Variants in IQCM observed in about 807,000 individuals in gnomAD.
The protein encoded by IQCM is IQ motif containing M, also known as IQ domain-containing protein M.
Under a neutral mutation model 57.6 loss-of-function variants are expected in IQCM, and 45 were observed. The observed-to-expected ratio is 0.78, with a 90% CI of 0.62 to 1.00. The LOEUF is 1.00. IQCM is among the 50% of genes least tolerant of loss of function. The pLI is 0.00. For missense variants in IQCM, 468 were observed against 511.6 expected, an observed-to-expected ratio of 0.91 and a Z score of 0.82; for synonymous variants, 148 against 158.9, an observed-to-expected ratio of 0.93 and a Z score of 0.51.
chr4:149,812,507 C>CAGAG lies in IQCM; in HGVS notation c.-49+2803_-49+2804insCTCT, dbSNP rs1554045618. ...ACACACACACACACACACACAGACA[C>CAGAG]ACACACACACACACACACACACTAT... is the stretch of plus-strand genomic sequence containing the variant. On this transcript the variant is annotated intron_variant, in intron 2 of 13. Transcript: ENST00000636793. Among the ~76,000 whole-genome samples, 2,211 of 126,822 alleles carry CAGAG rather than the reference C, an allele frequency of 0.017. 142 individuals are homozygous for CAGAG. The East Asian group carries it at 0.17, about 10-fold the overall frequency. 83.2% of individuals were successfully genotyped at this position (126,822 alleles called of 152,430 possible).
intron 8 of IQCM, among the ~76,000 whole-genome samples, chr4:149,597,334 A>G (rs989863524): frequency 1.3e-5 from 2 of 152,046 alleles, no homozygotes; most frequent in Non-Finnish European, 2.9e-5. Flanking sequence ...CAATTGAATG[A>G]CTCACATTTG....
At chr4:149,452,929 G>C (rs967254214) in intron 12 of IQCM, among the ~76,000 whole-genome samples, 1 of 150,828 alleles carries the variant, frequency 6.6e-6, no homozygotes, top group Non-Finnish European at 1.5e-5. Flanking sequence ...AGGATATATT[G>C]CATGATGCTA....
At chr4:149,582,742 A>C (rs559312823) in intron 9 of IQCM, among the ~76,000 whole-genome samples, 2 of 151,664 alleles carry the variant, frequency 1.3e-5, no homozygotes, top group Non-Finnish European at 3.0e-5. Context: ...TTATTTTCAA[A>C]TAATGTTTAG....
intron 13 of IQCM, among the ~76,000 whole-genome samples, chr4:149,404,319 G>T (rs1732827689): frequency 1.3e-5 from 2 of 151,944 alleles, no homozygotes; most frequent in South Asian, 4.1e-4. Context: ...TCAAAGCATG[G>T]ATTTAGTTAA....
intron 11 of IQCM, among the ~76,000 whole-genome samples, chr4:149,552,735 T>C (rs1165425815): frequency 6.6e-6 from 1 of 152,192 alleles, no homozygotes; most frequent in African/African-American, 2.4e-5. Flanking sequence ...TCAGTTGCTG[T>C]CTCCCTGGAA....
intron 5 of IQCM, among the ~76,000 whole-genome samples, chr4:149,697,912 A>G (rs1052348899): frequency 3.9e-5 from 6 of 152,096 alleles, no homozygotes; most frequent in African/African-American, 1.4e-4. Flanking sequence ...TTAAGAATGG[A>G]AACATTCTTA....
chr4:149,752,662 A>G (rs1768568070), intron 2 of IQCM, among the ~76,000 whole-genome samples: 1 of 152,140 alleles, frequency 6.6e-6, no homozygotes. Context: ...GAAAATTAAT[A>G]CAGAGGGGTG....
intron 12 of IQCM, among the ~76,000 whole-genome samples, chr4:149,447,115 A>G (rs1176840419): frequency 1.3e-5 from 2 of 151,556 alleles, no homozygotes; most frequent in Non-Finnish European, 3.0e-5. Flanking sequence ...AACACAGCTA[A>G]AGGATGTAGT....
chr4:149,529,528 A>G (rs1360989979), intron 12 of IQCM, among the ~76,000 whole-genome samples: 1 of 152,182 alleles, frequency 6.6e-6, no homozygotes, highest in Non-Finnish European at 1.5e-5. Context: ...GTGTTTTCCT[A>G]CAGGCCATAT....
intron 2 of IQCM, among the ~76,000 whole-genome samples, chr4:149,754,482 T>C (rs1387718083): frequency 6.6e-6 from 1 of 152,240 alleles, no homozygotes; most frequent in African/African-American, 2.4e-5. Flanking sequence ...GAATGCAACC[T>C]GCCATTCTTT....
chr4:149,533,825 G>A (rs1747002261), intron 12 of IQCM, among the ~76,000 whole-genome samples: 1 of 152,080 alleles, frequency 6.6e-6, no homozygotes, highest in South Asian at 2.1e-4. Context: ...AGTTGAAGAT[G>A]AGATTTGGGT....
At chr4:149,403,308 C>T (rs975145596) in intron 13 of IQCM, among the ~76,000 whole-genome samples, 2 of 151,930 alleles carry the variant, frequency 1.3e-5, no homozygotes, top group Non-Finnish European at 1.5e-5. Context: ...ATGTCCAAAG[C>T]ACTTACGTAG....
intron 2 of IQCM, among the ~76,000 whole-genome samples, chr4:149,763,200 CAACT>C (rs1421747974): frequency 3.3e-5 from 5 of 151,852 alleles, no homozygotes; most frequent in Non-Finnish European, 7.4e-5. Flanking sequence ...CATATTATAC[CAACT>C]AGTGTACAGT....
At chr4:149,354,747 T>C (rs1018017858) in intron 13 of IQCM, among the ~76,000 whole-genome samples, 1 of 152,170 alleles carries the variant, frequency 6.6e-6, no homozygotes, top group Non-Finnish European at 1.5e-5. Flanking sequence ...TCCCTACTTT[T>C]GAAATTGGGG....
At chr4:149,628,445 G>C (rs915881475) in intron 7 of IQCM, among the ~76,000 whole-genome samples, 9 of 152,132 alleles carry the variant, frequency 5.9e-5, no homozygotes, top group African/African-American at 1.9e-4. Flanking sequence ...AGGAGTATAA[G>C]TGACAGCATG....
At chr4:149,646,686 A>G (rs1203701234) in intron 7 of IQCM, among the ~76,000 whole-genome samples, 1 of 152,130 alleles carries the variant, frequency 6.6e-6, no homozygotes, top group Non-Finnish European at 1.5e-5. Context: ...TTTATGTTCA[A>G]TTAATAACTT....
intron 13 of IQCM, among the ~76,000 whole-genome samples, chr4:149,357,107 C>T (rs1336778804): frequency 5.3e-5 from 8 of 152,146 alleles, no homozygotes; most frequent in Non-Finnish European, 1.2e-4. Context: ...TATCCTGAGA[C>T]TTTGCTGAAG....
chr4:149,451,495 A>G (rs1340697044), intron 12 of IQCM, among the ~76,000 whole-genome samples: 3 of 151,706 alleles, frequency 2.0e-5, no homozygotes, highest in East Asian at 1.9e-4. Flanking sequence ...TAAATAAAAA[A>G]TTCCTTTAAA....
intron 10 of IQCM, among the ~76,000 whole-genome samples, chr4:149,559,091 C>T (rs1560990584): frequency 6.6e-6 from 1 of 152,154 alleles, no homozygotes; most frequent in Non-Finnish European, 1.5e-5. Context: ...CTCCACCCTC[C>T]TCCTTATCTC....
Sources: gnomAD v4.1 joint callset for allele counts (sites outside exome capture counted in the v4.1 genomes callset) on GRCh38, gnomAD v4.1.1 for gene constraint, MANE v1.5 for transcripts, NCBI Gene and HGNC (gene_info 2026-07-23, HGNC 2026-07-21) for gene names.